The following QPCT variants were observed in gnomAD, a reference collection of about 807,000 sequenced individuals.
QPCT encodes the protein glutaminyl-peptide cyclotransferase, also known as EC.
Under a neutral mutation model 43.4 loss-of-function variants are expected in QPCT, and 44 were observed. That is an observed-to-expected ratio of 1.01 (90% CI 0.80 to 1.30). The LOEUF (loss-of-function observed/expected upper bound fraction) is 1.30, where lower values mean the gene tolerates loss of function less well. QPCT is among the 50% of genes most tolerant of loss of function. The pLI is 0.00. For synonymous variants in QPCT, 168 were observed against 168.4 expected (o/e 1.00, Z 0.02); for missense variants, 526 against 436.5 (o/e 1.21, Z -1.83).
rs1336201950 is a variant in QPCT at position 37,352,844 on chromosome 2, G to T, written c.176G>T (p.Gly59Val). 2 of 1,614,124 alleles carry T rather than the reference G, an allele frequency of 1.2e-6. No homozygotes were observed. The highest frequency in any genetic ancestry group is 1.7e-6 in the Non-Finnish European group (2 of 1,179,986). The part of the protein sequence containing the change: ...NSSALRQIAE[G>V]TSISEMWQND... ...TCGGCTCTTCGGCAAATTGCAGAAGGCACCAGTATCTCTGAAATGTGGCAA... is the reference window on the plus strand; with the variant it reads ...TCGGCTCTTCGGCAAATTGCAGAAGTCACCAGTATCTCTGAAATGTGGCAA... The change falls in exon 2 of 7, where the codon GGC (glycine) becomes GTC (valine). Residue 59 changes from glycine to valine, a missense_variant. Gly to Val is a moderately radical substitution (Grantham distance 109). Coordinates refer to ENST00000338415, the MANE Select transcript of QPCT (RefSeq NM_012413.4).
intron 1 of QPCT, among the ~76,000 whole-genome samples, chr2:37,347,231 C>CATATATATATAT (rs74216920): frequency 2.0e-4 from 11 of 55,624 alleles, no homozygotes; most frequent in East Asian, 1.8e-3. Context: ...ATATATATAA[C>CATATATATATAT]ATATATATAT....
At chr2:37,363,285 G>A (rs1672890766) in intron 3 of QPCT, among the ~76,000 whole-genome samples, 1 of 152,052 alleles carries the variant, frequency 6.6e-6, no homozygotes, top group Non-Finnish European at 1.5e-5. Context: ...TCTTTAACAT[G>A]AATGAACACA....
At chr2:37,351,040 G>A (rs1448504552) in intron 1 of QPCT, among the ~76,000 whole-genome samples, 1 of 152,212 alleles carries the variant, frequency 6.6e-6, no homozygotes, top group Non-Finnish European at 1.5e-5. Context: ...TGCATGGTAA[G>A]TACTGGAAAG....
intron 1 of QPCT, among the ~76,000 whole-genome samples, chr2:37,351,600 G>A (rs1672626938): frequency 6.6e-6 from 1 of 152,112 alleles, no homozygotes; most frequent in African/African-American, 2.4e-5. Context: ...AATGACTCAG[G>A]GCTGGGTGCG....
intron 3 of QPCT, among the ~76,000 whole-genome samples, chr2:37,364,251 T>A (rs890395943): frequency 1.3e-5 from 2 of 151,940 alleles, no homozygotes; most frequent in Non-Finnish European, 2.9e-5. Context: ...TCCAGAAAAA[T>A]CAAGAAAGAA....
chr2:37,344,630 A>C lies in QPCT; in HGVS notation c.-102A>C. On this transcript the variant is annotated 5_prime_UTR_variant, in exon 1 of 7. Coordinates refer to ENST00000338415, the MANE Select transcript of QPCT (RefSeq NM_012413.4). ...CCGGGGGCGATGGGAAGGCGGGCGC[A>C]GTCGACCCAAGGGTGGAGAAGAGGG... is the stretch of plus-strand genomic sequence containing the variant. 5 of 1,455,378 alleles carry C rather than the reference A, an allele frequency of 3.4e-6. No homozygotes were observed. The highest frequency in any genetic ancestry group is 4.6e-6 in the Non-Finnish European group (5 of 1,097,394). The allele number at this position is 1,455,378 out of a possible 1,614,324, so 90.2% of individuals were successfully genotyped here.
At chr2:37,347,231 CATATATATATATATAACAT>C (rs1672523533) in intron 1 of QPCT, among the ~76,000 whole-genome samples, 3 of 55,630 alleles carry the variant, frequency 5.4e-5, no homozygotes, top group Non-Finnish European at 9.1e-5. Context: ...ATATATATAA[CATATATATATATATAACAT>C]ATATATATAT....
At chr2:37,348,445 A>G (rs764074129) in intron 1 of QPCT, among the ~76,000 whole-genome samples, 4 of 152,216 alleles carry the variant, frequency 2.6e-5, no homozygotes, top group African/African-American at 4.8e-5. Context: ...GACACACAGA[A>G]GGAGTTCAGT....
chr2:37,346,983 G>A (rs188750724), intron 1 of QPCT, among the ~76,000 whole-genome samples: 1,890 of 150,652 alleles, frequency 0.013, 11 homozygotes, highest in Middle Eastern at 0.027. Context: ...TGTAAAAGCA[G>A]ATCAACTGTA....
At chr2:37,351,685 C>T (rs1035690534) in intron 1 of QPCT, among the ~76,000 whole-genome samples, 13 of 151,990 alleles carry the variant, frequency 8.6e-5, no homozygotes, top group Non-Finnish European at 1.9e-4. Context: ...AGTTTGAGAC[C>T]AGCCTGACCA....
intron 1 of QPCT, among the ~76,000 whole-genome samples, chr2:37,352,471 G>A (rs1672640811): frequency 6.6e-6 from 1 of 152,200 alleles, no homozygotes; most frequent in Non-Finnish European, 1.5e-5. Context: ...CAACGGGCAT[G>A]CACCAATGCG....
At chr2:37,359,055 A>G (rs544423297) in intron 2 of QPCT, among the ~76,000 whole-genome samples, 13 of 152,324 alleles carry the variant, frequency 8.5e-5, no homozygotes, top group Non-Finnish European at 1.8e-4. Flanking sequence ...TTTTTTAAAT[A>G]TGCCTTTGTA....
rs573097864 is a variant in QPCT at position 37,369,495 on chromosome 2, A to C, written c.724-190A>C. On this transcript the variant is annotated intron_variant, in intron 4 of 6. Coordinates refer to ENST00000338415, the MANE Select transcript of QPCT (RefSeq NM_012413.4). ...ATTTTGCTATTTGTCCACATTACATAAGCAAGATTTAAAGAGTTCTCCAAA... is the reference window on the plus strand; with the variant it reads ...ATTTTGCTATTTGTCCACATTACATCAGCAAGATTTAAAGAGTTCTCCAAA... Among the ~76,000 whole-genome samples the C allele has an allele frequency of 7.9e-5, 12 of 152,368 alleles. No individual in the cohort carries two copies. In the East Asian group the frequency reaches 1.7e-3, roughly 22 times the overall value.
intron 5 of QPCT, among the ~76,000 whole-genome samples, chr2:37,370,164 G>T (rs1160778711): frequency 6.6e-6 from 1 of 152,056 alleles, no homozygotes; most frequent in African/African-American, 2.4e-5. Flanking sequence ...CAGCCTGGGT[G>T]ACAGGGTGAG....
chr2:37,360,697 G>T (rs768481918), intron 3 of QPCT, among the ~76,000 whole-genome samples: 126 of 152,262 alleles, frequency 8.3e-4, no homozygotes, highest in Non-Finnish European at 1.6e-3. Flanking sequence ...TTCTATTTTT[G>T]CTGGATATGC....
chr2:37,373,112 AG>A lies in QPCT; in HGVS notation c.*287del, dbSNP rs1443149616. 1 of 213,996 alleles carries A rather than the reference AG, an allele frequency of 4.7e-6. No individual in the cohort carries two copies. Among genetic ancestry groups the A allele is most frequent in the Non-Finnish European group, 9.2e-6 (1 of 109,096 alleles). The allele number at this position is 213,996 out of a possible 1,614,324, so 13.3% of individuals were successfully genotyped here. On this transcript the variant is annotated 3_prime_UTR_variant, in exon 7 of 7. Transcript: ENST00000338415. ...AAGACTCTTTTAGATAAACACGATG[AG>A]GCAAAATCAGGTTCATTCATTCAAC...
intron 3 of QPCT, among the ~76,000 whole-genome samples, chr2:37,364,202 G>A (rs1003913963): frequency 4.6e-5 from 7 of 152,188 alleles, no homozygotes; most frequent in Admixed American, 3.3e-4. Flanking sequence ...TCACTCCCAT[G>A]TACTGTATTT....
intron 4 of QPCT, among the ~76,000 whole-genome samples, chr2:37,368,815 T>G (rs534244237): frequency 1.3e-5 from 2 of 152,346 alleles, no homozygotes; most frequent in Non-Finnish European, 1.5e-5. Context: ...TTTGGACTGA[T>G]AAATAAATTT....
intron 1 of QPCT, among the ~76,000 whole-genome samples, chr2:37,345,245 G>A (rs1672459166): frequency 6.6e-6 from 1 of 152,224 alleles, no homozygotes; most frequent in Non-Finnish European, 1.5e-5. Context: ...CCGCTAGGGT[G>A]CGGGGTGCGC....
Sources: allele counts gnomAD v4.1 joint callset (sites outside exome capture counted in the v4.1 genomes callset), GRCh38; gene constraint gnomAD v4.1.1; transcripts MANE v1.5; gene names NCBI Gene and HGNC (gene_info 2026-07-23, HGNC 2026-07-21).